SLC25A48: variants seen among roughly 807,000 people sequenced by gnomAD.
SLC25A48 encodes the protein CTC-321K16.1.
In SLC25A48, 29 loss-of-function variants were observed where a neutral mutation model predicts 32.2. The ratio of observed to expected loss-of-function variants is 0.90; its 90% confidence interval spans 0.67 to 1.23. SLC25A48 has a LOEUF of 1.23. Ranked by LOEUF, SLC25A48 falls within the 50% of genes most tolerant of loss-of-function variation. The pLI, the probability that SLC25A48 is intolerant of heterozygous loss-of-function variation, is 0.00. For synonymous variants in SLC25A48, 164 were observed against 172.3 expected (o/e 0.95, Z 0.38); for missense variants, 399 against 422.7 (o/e 0.94, Z 0.49).
intron 3 of SLC25A48, among the ~76,000 whole-genome samples, chr5:135,713,954 C>T (rs1268786111): frequency 1.3e-5 from 2 of 152,188 alleles, no homozygotes; most frequent in African/African-American, 2.4e-5. Flanking sequence ...ACTTGCTTCT[C>T]ATCCCCTGCG....
rs139177672 is a variant in SLC25A48, at chr5:135,679,730, G to A, written c.-521+44774G>A. On this transcript the variant is annotated intron_variant, in intron 3 of 10. Coordinates refer to the SLC25A48 transcript ENST00000646290. ...GAGGTGGTGGCTGTGGGCTCGGAAG[G>A]TCAATGGGGTTCAAGAAATATGGAG... Among the ~76,000 whole-genome samples the A allele has an allele frequency of 1.5e-4, 23 of 152,292 alleles. No homozygotes were observed. The East Asian group carries it at 4.3e-3, about 28-fold the overall frequency.
chr5:135,882,451 T>A (rs17169302), intron 7 of SLC25A48, among the ~76,000 whole-genome samples: 21,810 of 152,088 alleles, frequency 0.14, 1,803 homozygotes, highest in African/African-American at 0.22. Context: ...AGATCTAGGG[T>A]GCCAAGCTGT....
At chr5:135,866,415 C>G (rs537976531) in intron 4 of SLC25A48, among the ~76,000 whole-genome samples, 81 of 152,324 alleles carry the variant, frequency 5.3e-4, no homozygotes, top group African/African-American at 1.9e-3. Flanking sequence ...GTGTTTGTGT[C>G]TGAGGAAGGC....
chr5:135,602,119 C>T (rs1434236702), intron 1 of SLC25A48, among the ~76,000 whole-genome samples: 1 of 152,156 alleles, frequency 6.6e-6, no homozygotes, highest in Non-Finnish European at 1.5e-5. Flanking sequence ...GGGCCCACAG[C>T]AAATACAGTG....
chr5:135,776,861 C>T (rs954300879), intron 3 of SLC25A48, among the ~76,000 whole-genome samples: 1 of 151,848 alleles, frequency 6.6e-6, no homozygotes, highest in East Asian at 1.9e-4. Flanking sequence ...ATACAAACCC[C>T]TGTAATGTTG....
chr5:135,582,324 C>G (rs1257519029), intron 1 of SLC25A48, among the ~76,000 whole-genome samples: 1 of 152,076 alleles, frequency 6.6e-6, no homozygotes, highest in Non-Finnish European at 1.5e-5. Flanking sequence ...AGCTCAGAGT[C>G]TAGTGGGGAA....
chr5:135,744,789 A>G (rs1443089474), intron 3 of SLC25A48, among the ~76,000 whole-genome samples: 1 of 151,408 alleles, frequency 6.6e-6, no homozygotes, highest in East Asian at 2.0e-4. Flanking sequence ...AACACCTGTA[A>G]TCCCAGCTTT....
chr5:135,660,385 A>G (rs1360180609), intron 3 of SLC25A48, among the ~76,000 whole-genome samples: 4 of 152,128 alleles, frequency 2.6e-5, no homozygotes, highest in African/African-American at 9.7e-5. Flanking sequence ...CTCCATTTCT[A>G]TGCTTTTGAA....
chr5:135,613,294 G>A (rs777407865), intron 1 of SLC25A48, among the ~76,000 whole-genome samples: 77 of 152,042 alleles, frequency 5.1e-4, no homozygotes, highest in Non-Finnish European at 9.7e-4. Context: ...TTTTAATGCT[G>A]AGTTGTTTGA....
At chr5:135,646,332 T>C (rs1347412935) in intron 3 of SLC25A48, among the ~76,000 whole-genome samples, 2 of 152,184 alleles carry the variant, frequency 1.3e-5, no homozygotes, top group African/African-American at 2.4e-5. Context: ...ATCACTCATT[T>C]TTATTTAGAC....
At chr5:135,609,647 G>A (rs1752020553) in intron 1 of SLC25A48, 1 of 152,190 alleles carries the variant, frequency 6.6e-6, no homozygotes, top group Non-Finnish European at 1.5e-5. Context: ...TCTCTGGCAG[G>A]TGGTTTACAA....
chr5:135,677,600 C>T (rs1393847664), intron 3 of SLC25A48, among the ~76,000 whole-genome samples: 1 of 151,862 alleles, frequency 6.6e-6, no homozygotes, highest in Non-Finnish European at 1.5e-5. Context: ...CATTTGTGTA[C>T]TTGCTTTACC....
chr5:135,770,493 C>T (rs535571677), intron 3 of SLC25A48, among the ~76,000 whole-genome samples: 2 of 151,524 alleles, frequency 1.3e-5, no homozygotes, highest in South Asian at 2.1e-4. Context: ...CTTTCAATGT[C>T]GCCGAGGTTG....
chr5:135,702,993 G>A (rs1235756618), intron 3 of SLC25A48, among the ~76,000 whole-genome samples: 1 of 152,134 alleles, frequency 6.6e-6, no homozygotes, highest in East Asian at 1.9e-4. Flanking sequence ...ATCTCTGACA[G>A]CCCCTTTGCA....
chr5:135,699,944 G>A (rs904145256), intron 3 of SLC25A48, among the ~76,000 whole-genome samples: 2 of 152,154 alleles, frequency 1.3e-5, no homozygotes, highest in Non-Finnish European at 2.9e-5. Context: ...AGTCTCTGAG[G>A]GGTTACAAAG....
intron 3 of SLC25A48, among the ~76,000 whole-genome samples, chr5:135,636,602 G>A (rs1216138940): frequency 1.3e-5 from 2 of 152,168 alleles, no homozygotes; most frequent in Non-Finnish European, 2.9e-5. Context: ...ATGGCTGCAG[G>A]AATCTGCTCA....
intron 3 of SLC25A48, among the ~76,000 whole-genome samples, chr5:135,726,988 A>G (rs1755105052): frequency 6.6e-6 from 1 of 152,092 alleles, no homozygotes; most frequent in African/African-American, 2.4e-5. Context: ...TTTCAGTTTT[A>G]GCCTTTCTGA....
At chr5:135,847,678 G>A (rs531922702) in intron 2 of SLC25A48, among the ~76,000 whole-genome samples, 1 of 152,242 alleles carries the variant, frequency 6.6e-6, no homozygotes, top group East Asian at 1.9e-4. Flanking sequence ...AACAGAAGCA[G>A]GGAGAGAAGA....
chr5:135,614,287 A>G (rs1242313991), intron 1 of SLC25A48, among the ~76,000 whole-genome samples: 1 of 152,222 alleles, frequency 6.6e-6, no homozygotes, highest in Admixed American at 6.5e-5. Context: ...GTTACTCTAC[A>G]ACATTACTGA....
Sources: gnomAD v4.1 joint callset for allele counts (sites outside exome capture counted in the v4.1 genomes callset) on GRCh38, gnomAD v4.1.1 for gene constraint, MANE v1.5 for transcripts, NCBI Gene and HGNC (gene_info 2026-07-23, HGNC 2026-07-21) for gene names.